Variants in TAS2R1 observed in about 807,000 individuals in gnomAD.
TAS2R1 encodes taste receptor type 2 member 1.
For synonymous variants in TAS2R1, 141 were observed against 134.2 expected (o/e 1.05, Z -0.35); for missense variants, 370 against 353.4 (o/e 1.05, Z -0.38).
intron 1 of TAS2R1, among the ~76,000 whole-genome samples, chr5:9,701,840 T>C (rs1272983237): frequency 7.9e-5 from 12 of 152,202 alleles, no homozygotes; most frequent in Non-Finnish European, 8.8e-5. Flanking sequence ...ATTGTTACCA[T>C]TTATAACCAA....
chr5:9,801,643 C>T, the TAS2R1 span, among the ~76,000 whole-genome samples: 836 of 152,256 alleles, frequency 5.5e-3, 4 homozygotes, highest in Non-Finnish European at 8.8e-3. Context: ...GTTCTCAGTC[C>T]TGGTCACTGG....
the TAS2R1 span, among the ~76,000 whole-genome samples, chr5:9,882,761 T>G: frequency 1.3e-5 from 2 of 152,242 alleles, no homozygotes; most frequent in South Asian, 2.1e-4. Flanking sequence ...GAAGATGGTG[T>G]TGTTATTCCT....
the TAS2R1 span, among the ~76,000 whole-genome samples, chr5:9,891,466 T>C: frequency 0.13 from 19,512 of 152,086 alleles, 1,494 homozygotes; most frequent in African/African-American, 0.22. Flanking sequence ...ATAACTCACA[T>C]AAGCAAAGCT....
Position 9,688,115 on chromosome 5 carries a change from C to T in TAS2R1, c.-242+24057G>A, listed in dbSNP as rs188916923. Among the ~76,000 whole-genome samples the T allele has an allele frequency of 3.4e-3, 511 of 152,246 alleles. 1 individual carries two copies. The highest frequency in any genetic ancestry group is 0.012 in the African/African-American group (483 of 41,528). ...TATATAATTCAAACATATGTCCTAA[C>T]GCATATGACATATTCTAATTAGGAA... On this transcript the variant is annotated intron_variant, in intron 1 of 2. Coordinates refer to the TAS2R1 transcript ENST00000506620.
At chr5:9,861,447 A>G in the TAS2R1 span, among the ~76,000 whole-genome samples, 3 of 152,230 alleles carry the variant, frequency 2.0e-5, no homozygotes, top group Non-Finnish European at 4.4e-5. Context: ...TACAAGTTAC[A>G]TATTAGCTGC....
chr5:9,770,418 A>T, the TAS2R1 span, among the ~76,000 whole-genome samples: 11 of 152,120 alleles, frequency 7.2e-5, no homozygotes, highest in African/African-American at 2.7e-4. Flanking sequence ...GTTCCATATA[A>T]ATTTTAGGAT....
At chr5:9,732,681 T>G in the TAS2R1 span, among the ~76,000 whole-genome samples, 1 of 152,130 alleles carries the variant, frequency 6.6e-6, no homozygotes, top group African/African-American at 2.4e-5. Flanking sequence ...AGATAAATAG[T>G]ACAATAAAGG....
the TAS2R1 span, among the ~76,000 whole-genome samples, chr5:9,734,091 T>C: frequency 6.6e-5 from 10 of 152,046 alleles, no homozygotes; most frequent in African/African-American, 1.9e-4. Flanking sequence ...ATGAATAGGA[T>C]TAGTGCCTTT....
the TAS2R1 span, among the ~76,000 whole-genome samples, chr5:9,719,214 T>C: frequency 1.3e-5 from 2 of 152,166 alleles, no homozygotes; most frequent in African/African-American, 2.4e-5. Context: ...ATAACTTATC[T>C]GCAAATGATT....
chr5:9,679,797 T>C (rs1190756561), intron 1 of TAS2R1, among the ~76,000 whole-genome samples: 1 of 152,200 alleles, frequency 6.6e-6, no homozygotes, highest in African/African-American at 2.4e-5. Flanking sequence ...TAAATATTTA[T>C]AGATACATGT....
the TAS2R1 span, among the ~76,000 whole-genome samples, chr5:9,837,018 C>T: frequency 0.35 from 52,791 of 151,984 alleles, 9,357 homozygotes; most frequent in South Asian, 0.39. Context: ...TAACACGTGA[C>T]TGGTTGGCTG....
the TAS2R1 span, among the ~76,000 whole-genome samples, chr5:9,844,775 G>T: frequency 6.6e-6 from 1 of 152,080 alleles, no homozygotes; most frequent in African/African-American, 2.4e-5. Flanking sequence ...AAAAAAGTAA[G>T]CTAATCAAAG....
chr5:9,678,620 T>A (rs1465165931), intron 1 of TAS2R1, among the ~76,000 whole-genome samples: 2 of 152,210 alleles, frequency 1.3e-5, no homozygotes, highest in African/African-American at 4.8e-5. Flanking sequence ...AATGAGATTA[T>A]GTCCTTTGCA....
At chr5:9,718,950 C>T in the TAS2R1 span, among the ~76,000 whole-genome samples, 1 of 152,070 alleles carries the variant, frequency 6.6e-6, no homozygotes, top group Admixed American at 6.5e-5. Context: ...GCTAAAGAGT[C>T]ATGACAACTA....
At chr5:9,806,376 T>C in the TAS2R1 span, among the ~76,000 whole-genome samples, 8 of 152,126 alleles carry the variant, frequency 5.3e-5, no homozygotes, top group Admixed American at 3.3e-4. Flanking sequence ...ACCATCATTC[T>C]TCACAGAACT....
At chr5:9,684,988 C>A (rs1287564374) in intron 1 of TAS2R1, among the ~76,000 whole-genome samples, 1 of 152,124 alleles carries the variant, frequency 6.6e-6, no homozygotes, top group Non-Finnish European at 1.5e-5. Context: ...ACACAGACCC[C>A]GGGAGCACAG....
the TAS2R1 span, among the ~76,000 whole-genome samples, chr5:9,853,297 AC>A: frequency 2.0e-5 from 3 of 152,358 alleles, no homozygotes; most frequent in African/African-American, 7.2e-5. Flanking sequence ...GAGCAGGGCT[AC>A]CCTACAGGCT....
At chr5:9,643,294 C>T (rs912140334) in intron 2 of TAS2R1, among the ~76,000 whole-genome samples, 1 of 152,178 alleles carries the variant, frequency 6.6e-6, no homozygotes, top group African/African-American at 2.4e-5. Context: ...TTATTTTGCT[C>T]CTAGGCTACA....
the TAS2R1 span, among the ~76,000 whole-genome samples, chr5:9,785,775 G>A: frequency 3.3e-5 from 5 of 152,116 alleles, no homozygotes; most frequent in African/African-American, 4.8e-5. Flanking sequence ...GGCACACAGC[G>A]TAGTGGGCAG....
Sources: gnomAD v4.1 joint callset for allele counts (sites outside exome capture counted in the v4.1 genomes callset) on GRCh38, gnomAD v4.1.1 for gene constraint, MANE v1.5 for transcripts, NCBI Gene and HGNC (gene_info 2026-07-23, HGNC 2026-07-21) for gene names.